PAICS: variants seen among roughly 807,000 people sequenced by gnomAD.
The protein encoded by PAICS is phosphoribosylaminoimidazole carboxylase and phosphoribosylaminoimidazolesuccinocarboxamide synthase.
Under a neutral mutation model 53.7 loss-of-function variants are expected in PAICS, and 33 were observed. That is an observed-to-expected ratio of 0.61 (90% confidence interval 0.47 to 0.82). PAICS has a LOEUF of 0.82. Among genes scored for constraint, PAICS ranks in the 40% least tolerant of loss-of-function variants. The pLI, the probability that PAICS is intolerant of heterozygous loss-of-function variation, is 0.00. For missense variants in PAICS, 394 were observed against 494.1 expected (o/e 0.80, Z 1.92); for synonymous variants, 141 against 167.2 (o/e 0.84, Z 1.21).
upstream of PAICS, among the ~76,000 whole-genome samples, chr4:56,432,642 G>A (rs1383993858): frequency 6.6e-5 from 10 of 151,446 alleles, no homozygotes; most frequent in East Asian, 1.9e-4. Context: ...AAAATTAGCC[G>A]GGCGTGGTGG....
At chr4:56,444,505 C>T (rs1560659213) in intron 2 of PAICS, among the ~76,000 whole-genome samples, 1 of 152,082 alleles carries the variant, frequency 6.6e-6, no homozygotes, top group Admixed American at 6.6e-5. Flanking sequence ...TATGTATTAG[C>T]TAGAATTACT....
the PAICS span, chr4:56,410,760 G>T: frequency 3.0e-6 from 3 of 987,306 alleles, no homozygotes; most frequent in Non-Finnish European, 3.6e-6. Flanking sequence ...TCTGGAGACA[G>T]CTCTAAAACT....
chr4:56,412,742 T>C, the PAICS span, among the ~76,000 whole-genome samples: 1 of 152,236 alleles, frequency 6.6e-6, no homozygotes, highest in Non-Finnish European at 1.5e-5. Flanking sequence ...TTCTCTCTGC[T>C]CTATTCTCAT....
the PAICS span, among the ~76,000 whole-genome samples, chr4:56,418,185 G>A: frequency 9.2e-5 from 14 of 152,044 alleles, no homozygotes; most frequent in African/African-American, 4.8e-5. Context: ...GCATGGTAGC[G>A]TGTGCCTGTG....
chr4:56,439,813 T>G (rs1038504127), intron 1 of PAICS, among the ~76,000 whole-genome samples: 11 of 152,004 alleles, frequency 7.2e-5, no homozygotes, highest in Non-Finnish European at 1.5e-4. Flanking sequence ...TTGGTAGAGA[T>G]GGGATTTTGC....
chr4:56,414,023 T>C, the PAICS span, among the ~76,000 whole-genome samples: 1 of 152,242 alleles, frequency 6.6e-6, no homozygotes, highest in Non-Finnish European at 1.5e-5. Flanking sequence ...TAGAACACTT[T>C]TCTATACAAT....
upstream of PAICS, among the ~76,000 whole-genome samples, chr4:56,431,015 G>A (rs1717554990): frequency 6.6e-6 from 1 of 151,816 alleles, no homozygotes; most frequent in African/African-American, 2.4e-5. Flanking sequence ...AGTTATAAAT[G>A]GAAGGATTGA....
chr4:56,451,433 C>A (rs1718912894), intron 6 of PAICS, among the ~76,000 whole-genome samples: 1 of 152,082 alleles, frequency 6.6e-6, no homozygotes, highest in Non-Finnish European at 1.5e-5. Flanking sequence ...GGGTCATAAT[C>A]ACATTTGAGA....
intron 8 of PAICS, among the ~76,000 whole-genome samples, chr4:56,454,998 A>G (rs1203961284): frequency 6.6e-6 from 1 of 152,232 alleles, no homozygotes; most frequent in African/African-American, 2.4e-5. Context: ...TCTCTACTAA[A>G]AATACAAAAA....
upstream of PAICS, chr4:56,431,572 G>C: frequency 1.1e-6 from 1 of 942,950 alleles, no homozygotes; most frequent in Non-Finnish European, 1.3e-6. Flanking sequence ...ATTTTTAGAA[G>C]TATGAAAATG....
chr4:56,431,432 A>G, upstream of PAICS: 1 of 981,872 alleles, frequency 1.0e-6, no homozygotes, highest in Non-Finnish European at 1.2e-6. Context: ...ACCAGTGTCT[A>G]AATCTCTTAA....
At chr4:56,425,452 C>T in the PAICS span, 1 of 885,708 alleles carries the variant, frequency 1.1e-6, no homozygotes, top group Non-Finnish European at 1.4e-6. Context: ...AAAGCTCAGA[C>T]ATAGGTATGC....
chr4:56,438,735 A>C (rs1426265546), intron 1 of PAICS, among the ~76,000 whole-genome samples: 2 of 151,996 alleles, frequency 1.3e-5, no homozygotes, highest in Non-Finnish European at 2.9e-5. Context: ...CCATTTTAAT[A>C]TATTTTATTT....
rs202050294 is a variant in PAICS, at chr4:56,446,717, A to G, written c.237A>G (p.Arg79=). The G allele has an allele frequency of 1.9e-5, 30 of 1,600,676 alleles. No homozygotes were observed. In the African/African-American group the frequency reaches 2.5e-4, roughly 14 times the overall value. Residue 79 remains arginine, a synonymous_variant, in exon 3 of 9, where the codon AGA becomes AGG. Transcript: ENST00000512576. ...TAGGTATTAAAACTGCCTTCACCAG[A>G]AAATGTGGGGAGACAGCTTTCATTG... ...QEAGIKTAFT[R]KCGETAFIAP... is the part of the protein sequence containing the mutation.
upstream of PAICS, chr4:56,435,997 G>A (rs986130061): frequency 1.3e-6 from 2 of 1,525,290 alleles, no homozygotes; most frequent in Admixed American, 1.7e-5. Context: ...TCCGCAGAGT[G>A]GGGAGGGGCC....
chr4:56,449,803 C>T (rs1718805883), intron 5 of PAICS, among the ~76,000 whole-genome samples: 1 of 131,308 alleles, frequency 7.6e-6, no homozygotes, highest in Non-Finnish European at 1.6e-5. Context: ...GAAACCTTGT[C>T]TCAAAAAAAA....
the PAICS span, among the ~76,000 whole-genome samples, chr4:56,427,050 C>A: frequency 2.0e-5 from 3 of 152,330 alleles, no homozygotes; most frequent in African/African-American, 7.2e-5. Flanking sequence ...TAGGGCTCCT[C>A]CATGTTGTAG....
At chr4:56,433,718 G>A (rs1488548356), upstream of PAICS, among the ~76,000 whole-genome samples, 1 of 146,976 alleles carries the variant, frequency 6.8e-6, no homozygotes, top group Non-Finnish European at 1.5e-5. Context: ...TTTTTGAGAC[G>A]GAGTCTCGCT....
At chr4:56,435,528 G>C (rs201978310), upstream of PAICS, 451 of 1,611,038 alleles carry the variant, frequency 2.8e-4, no homozygotes, top group Non-Finnish European at 3.6e-4. Flanking sequence ...CAAGGTGTAA[G>C]CACCAACCAG....
Sources: allele counts gnomAD v4.1 joint callset (sites outside exome capture counted in the v4.1 genomes callset), GRCh38; gene constraint gnomAD v4.1.1; transcripts MANE v1.5; gene names NCBI Gene and HGNC (gene_info 2026-07-23, HGNC 2026-07-21).